USP30: variants seen among roughly 807,000 people sequenced by gnomAD.
The protein encoded by USP30 is ubiquitin specific peptidase 30.
USP30 carries 41 observed loss-of-function variants against 68.2 expected under a neutral mutation model. That is an observed-to-expected ratio of 0.60 (90% CI 0.47 to 0.78). USP30 has a LOEUF of 0.78. Among genes scored for constraint, USP30 ranks in the 30% least tolerant of loss-of-function variants. The pLI, the probability that USP30 is intolerant of heterozygous loss-of-function variation, is 0.00. For synonymous variants in USP30, 229 were observed against 253.7 expected, an observed-to-expected ratio of 0.90 and a Z score of 0.93; for missense variants, 522 against 649.4, an observed-to-expected ratio of 0.80 and a Z score of 2.13.
intron 4 of USP30, among the ~76,000 whole-genome samples, chr12:109,069,609 G>C (rs2041367122): frequency 6.6e-6 from 1 of 152,242 alleles, no homozygotes; most frequent in Non-Finnish European, 1.5e-5. Flanking sequence ...CGTAGCAGCA[G>C]ACATGACTTG....
intron 3 of USP30, among the ~76,000 whole-genome samples, chr12:109,029,105 A>G (rs2040464147): frequency 6.6e-6 from 1 of 152,180 alleles, no homozygotes; most frequent in South Asian, 2.1e-4. Context: ...GAAGCTTCTG[A>G]TTGCCACAGT....
chr12:109,061,091 A>G (rs1184973416), intron 3 of USP30, among the ~76,000 whole-genome samples: 3 of 152,094 alleles, frequency 2.0e-5, no homozygotes, highest in East Asian at 1.9e-4. Context: ...AGCCATGTTC[A>G]TGGGAGTTAT....
chr12:109,048,612 C>T (rs1397939157), upstream of USP30, among the ~76,000 whole-genome samples: 1 of 151,654 alleles, frequency 6.6e-6, no homozygotes, highest in Non-Finnish European at 1.5e-5. Flanking sequence ...TGGTGGCACG[C>T]ACCTGAAGTC....
At position 109,085,932 on chromosome 12, in the gene USP30, C is replaced by T; in HGVS notation, c.*1C>T. The T allele has an allele frequency of 6.2e-7, 1 of 1,611,980 alleles. No homozygotes were observed. The highest frequency in any genetic ancestry group is 1.1e-5 in the South Asian group (1 of 90,836). On this transcript the variant is annotated 3_prime_UTR_variant, in exon 13 of 13. Transcript: ENST00000257548. ...CCAGGAGTGCAAGTCTGAAGAATGA[C>T]TGTGCCCTCCTGCAAGGCTAGAGCT...
Position 109,056,777 on chromosome 12 carries a change from A to G in USP30, c.179A>G (p.Lys60Arg). Reference sequence around the variant, plus strand: ...ATTTGGGGTCCCATTACAGAAAGAAAGAAGCGTAGAAAAGGTAAGAATGAG... The same window carrying G: ...ATTTGGGGTCCCATTACAGAAAGAAGGAAGCGTAGAAAAGGTAAGAATGAG... ...YVIWGPITERKKRRKGLVPGL... is the reference protein window; with the variant it reads ...YVIWGPITERRKRRKGLVPGL... The change falls in exon 2 of 13, where the codon AAG becomes AGG. Residue 60 changes from lysine to arginine, a missense_variant. Lys to Arg is a conservative substitution (Grantham distance 26). Coordinates refer to ENST00000257548, the MANE Select transcript of USP30 (RefSeq NM_032663.5). The G allele has an allele frequency of 6.2e-7, 1 of 1,610,352 alleles. No individual in the cohort carries two copies. The highest frequency in any genetic ancestry group is 8.5e-7 in the Non-Finnish European group (1 of 1,178,892).
chr12:109,036,649 T>G (rs920643435), intron 3 of USP30, among the ~76,000 whole-genome samples: 9 of 152,196 alleles, frequency 5.9e-5, no homozygotes, highest in African/African-American at 2.2e-4. Flanking sequence ...TTTAAGAATC[T>G]GGGAATGTCT....
At chr12:109,068,170 C>T (rs111830509) in intron 4 of USP30, among the ~76,000 whole-genome samples, 11 of 152,318 alleles carry the variant, frequency 7.2e-5, no homozygotes, top group Non-Finnish European at 1.3e-4. Context: ...CCCGCCAGAC[C>T]GCTGTTACCA....
chr12:109,083,629 A>T (rs2041868829), intron 11 of USP30, among the ~76,000 whole-genome samples: 1 of 152,112 alleles, frequency 6.6e-6, no homozygotes, highest in Non-Finnish European at 1.5e-5. Flanking sequence ...ACCACACAGG[A>T]GAACTGGCCC....
intron 3 of USP30, among the ~76,000 whole-genome samples, chr12:109,065,798 A>G (rs941082293): frequency 2.0e-5 from 3 of 152,256 alleles, no homozygotes; most frequent in African/African-American, 7.2e-5. Context: ...TGCGCCAGAG[A>G]AGAAAAGCAG....
chr12:109,077,791 TTGGCCTTTTAGCTTTA>T (rs1277107562), intron 7 of USP30, among the ~76,000 whole-genome samples: 9 of 152,034 alleles, frequency 5.9e-5, no homozygotes, highest in Non-Finnish European at 1.2e-4. Flanking sequence ...AATACCTTTG[TTGGCCTTTTAGCTTTA>T]CTCTTGTGTG....
intron 1 of USP30, among the ~76,000 whole-genome samples, chr12:109,023,462 G>A (rs2040421352): frequency 1.3e-5 from 2 of 151,978 alleles, no homozygotes; most frequent in South Asian, 4.1e-4. Flanking sequence ...GGCTGAGGCA[G>A]GAAAATCGCT....
At chr12:109,079,351 CTTTTTTTTTTTTTTTTTTT>C (rs71079521) in intron 7 of USP30, among the ~76,000 whole-genome samples, 29 of 48,802 alleles carry the variant, frequency 5.9e-4, no homozygotes, top group Admixed American at 2.9e-3. Context: ...TTTTTTTTTT[CTTTTTTTTTTTTTTTTTTT>C]TTTTTTTTTG....
chr12:109,058,612 T>C (rs2040956204), intron 3 of USP30, among the ~76,000 whole-genome samples: 1 of 152,140 alleles, frequency 6.6e-6, no homozygotes, highest in African/African-American at 2.4e-5. Flanking sequence ...ATTTATTTTT[T>C]AAATTGTCAA....
At chr12:109,042,426 T>A (rs1254800487) in intron 3 of USP30, among the ~76,000 whole-genome samples, 1 of 152,164 alleles carries the variant, frequency 6.6e-6, no homozygotes, top group African/African-American at 2.4e-5. Context: ...GCCTAATCTT[T>A]TATTCTCTCA....
chr12:109,054,285 C>A (rs185108006), intron 1 of USP30, among the ~76,000 whole-genome samples: 1 of 152,164 alleles, frequency 6.6e-6, no homozygotes, highest in African/African-American at 2.4e-5. Context: ...CTTTGGAAGG[C>A]TGAGGCAGGT....
At chr12:109,037,545 C>G (rs1207758251) in intron 3 of USP30, among the ~76,000 whole-genome samples, 1 of 152,076 alleles carries the variant, frequency 6.6e-6, no homozygotes, top group Non-Finnish European at 1.5e-5. Flanking sequence ...CTCTGGAAAT[C>G]AGATTCTCCT....
intron 3 of USP30, among the ~76,000 whole-genome samples, chr12:109,036,033 G>A: frequency 6.6e-6 from 1 of 152,132 alleles, no homozygotes; most frequent in Non-Finnish European, 1.5e-5. Context: ...GGTGGCCCAT[G>A]GCTGTAGTCC....
chr12:109,068,224 A>T (rs755961009), intron 4 of USP30, among the ~76,000 whole-genome samples: 1 of 152,156 alleles, frequency 6.6e-6, no homozygotes, highest in African/African-American at 2.4e-5. Context: ...AGTTCTAGAG[A>T]TGAAAAAATC....
intron 3 of USP30, among the ~76,000 whole-genome samples, chr12:109,062,848 CATGAAACAGTA>C (rs2041120743): frequency 6.6e-6 from 1 of 152,110 alleles, no homozygotes; most frequent in South Asian, 2.1e-4. Context: ...AAACTGTACC[CATGAAACAGTA>C]ACTCCCACTC....
Sources: allele counts gnomAD v4.1 joint callset (sites outside exome capture counted in the v4.1 genomes callset), GRCh38; gene constraint gnomAD v4.1.1; transcripts MANE v1.5; gene names NCBI Gene and HGNC (gene_info 2026-07-23, HGNC 2026-07-21).